Variants in ROBO2 observed in about 807,000 individuals in gnomAD.
The protein encoded by ROBO2 is roundabout guidance receptor 2.
A neutral mutation model predicts 160.8 loss-of-function variants in ROBO2; 53 were observed. That is an observed-to-expected ratio of 0.33 (90% CI 0.26 to 0.41). The LOEUF (loss-of-function observed/expected upper bound fraction) is 0.41, where lower values mean the gene tolerates loss of function less well. Ranked by LOEUF, ROBO2 falls within the 10% of genes least tolerant of loss-of-function variation. ROBO2 has a pLI of 1.00. For missense variants in ROBO2, 1,577 were observed against 1,722.4 expected (o/e 0.92, Z 1.49); for synonymous variants, 664 against 611.7 (o/e 1.09, Z -1.26).
chr3:77,343,019 TTC>T (rs2067229469), intron 2 of ROBO2, among the ~76,000 whole-genome samples: 1 of 151,454 alleles, frequency 6.6e-6, no homozygotes, highest in Non-Finnish European at 1.5e-5. Flanking sequence ...ATAGCTCCTT[TTC>T]TCTCTGTCTT....
intron 2 of ROBO2, among the ~76,000 whole-genome samples, chr3:76,845,899 A>T (rs1252852560): frequency 6.6e-6 from 1 of 152,086 alleles, no homozygotes; most frequent in African/African-American, 2.4e-5. Flanking sequence ...AAAATTAATG[A>T]TCATGTTCCC....
Position 77,110,696 on chromosome 3 carries a change from T to C in ROBO2, c.388+12356T>C, listed in dbSNP as rs58301071. Among the ~76,000 whole-genome samples, 587 of 147,672 alleles carry C rather than the reference T, an allele frequency of 4.0e-3. 7 individuals carry two copies. Among genetic ancestry groups the C allele is most frequent in the Middle Eastern group, 0.014 (4 of 276 alleles). ...ATATATGTATATACATATATATATA[T>C]AGAGAGAGAGAGAGAGAGGCAAGTT... On this transcript the variant is annotated intron_variant, in intron 2 of 25. Transcript: ENST00000461745.
At chr3:76,514,301 T>G (rs1429965979) in intron 2 of ROBO2, among the ~76,000 whole-genome samples, 1 of 152,088 alleles carries the variant, frequency 6.6e-6, no homozygotes, top group Non-Finnish European at 1.5e-5. Context: ...AGTCAGTCAC[T>G]CTCCCCTAGG....
intron 2 of ROBO2, among the ~76,000 whole-genome samples, chr3:76,256,352 T>TCA (rs1553689349): frequency 1.4e-4 from 10 of 69,898 alleles, no homozygotes; most frequent in Admixed American, 1.6e-4. Context: ...TCTCTCTCTC[T>TCA]CACATACACA....
chr3:76,175,345 A>G (rs924930762), intron 2 of ROBO2, among the ~76,000 whole-genome samples: 1 of 151,980 alleles, frequency 6.6e-6, no homozygotes, highest in African/African-American at 2.4e-5. Context: ...CTCTCTTTCT[A>G]TTTGAATACC....
chr3:76,223,327 G>A (rs767332622), intron 2 of ROBO2, among the ~76,000 whole-genome samples: 11 of 151,788 alleles, frequency 7.2e-5, no homozygotes, highest in South Asian at 4.2e-4. Flanking sequence ...GGGGCAATGC[G>A]GGGTTAACCC....
intron 2 of ROBO2, among the ~76,000 whole-genome samples, chr3:76,510,751 T>C (rs754609703): frequency 1.3e-5 from 2 of 151,834 alleles, no homozygotes; most frequent in African/African-American, 2.4e-5. Flanking sequence ...ATAAATGAAA[T>C]ACAGGAAGAA....
chr3:76,542,148 C>T (rs998727364), intron 2 of ROBO2, among the ~76,000 whole-genome samples: 1 of 152,020 alleles, frequency 6.6e-6, no homozygotes, highest in Non-Finnish European at 1.5e-5. Context: ...TCTTTTTGAT[C>T]TACAATCACA....
At chr3:76,808,309 A>G (rs2064896290) in intron 2 of ROBO2, among the ~76,000 whole-genome samples, 1 of 152,156 alleles carries the variant, frequency 6.6e-6, no homozygotes, top group African/African-American at 2.4e-5. Context: ...ATAAGTTAAC[A>G]TATGAGATTG....
intron 2 of ROBO2, among the ~76,000 whole-genome samples, chr3:76,091,659 A>G (rs1435609851): frequency 6.6e-6 from 1 of 152,242 alleles, no homozygotes; most frequent in Admixed American, 6.5e-5. Context: ...ATAATTGCCA[A>G]AATTTGGAAG....
At chr3:76,184,981 T>A (rs1165740506) in intron 2 of ROBO2, among the ~76,000 whole-genome samples, 1 of 151,722 alleles carries the variant, frequency 6.6e-6, no homozygotes, top group Non-Finnish European at 1.5e-5. Context: ...TCCACTCAGA[T>A]TCATATGCTA....
intron 2 of ROBO2, among the ~76,000 whole-genome samples, chr3:76,024,453 T>C (rs933261154): frequency 2.0e-5 from 3 of 151,562 alleles, no homozygotes; most frequent in Admixed American, 1.3e-4. Context: ...CATTTGCAAG[T>C]AGTTAGTTTC....
intron 2 of ROBO2, among the ~76,000 whole-genome samples, chr3:76,121,711 T>C (rs1427797081): frequency 1.3e-5 from 2 of 152,156 alleles, no homozygotes; most frequent in Admixed American, 6.5e-5. Flanking sequence ...TGAATAGTTA[T>C]TCTTTTTATC....
At chr3:76,785,059 G>T (rs2062885010) in intron 2 of ROBO2, among the ~76,000 whole-genome samples, 1 of 151,130 alleles carries the variant, frequency 6.6e-6, no homozygotes, top group African/African-American at 2.4e-5. Flanking sequence ...ACGGGGAAAT[G>T]AGAGCCAGAA....
intron 2 of ROBO2, among the ~76,000 whole-genome samples, chr3:76,377,727 C>A (rs1431746034): frequency 6.6e-6 from 1 of 152,112 alleles, no homozygotes; most frequent in East Asian, 1.9e-4. Flanking sequence ...ACTAAAAATA[C>A]CTAGCAAACT....
chr3:77,319,454 C>T (rs1417806632), intron 2 of ROBO2, among the ~76,000 whole-genome samples: 2 of 152,156 alleles, frequency 1.3e-5, no homozygotes, highest in African/African-American at 4.8e-5. Context: ...AACCCAATTG[C>T]TCATGCTGAT....
At chr3:76,574,720 A>AC (rs2085177259) in intron 2 of ROBO2, among the ~76,000 whole-genome samples, 2 of 152,052 alleles carry the variant, frequency 1.3e-5, no homozygotes, top group Non-Finnish European at 1.5e-5. Context: ...TGTGAAATAG[A>AC]ACCGGGCTTC....
intron 2 of ROBO2, among the ~76,000 whole-genome samples, chr3:76,884,330 C>T (rs1005862366): frequency 6.6e-6 from 1 of 152,086 alleles, no homozygotes; most frequent in African/African-American, 2.4e-5. Context: ...TCTGTCCAAA[C>T]CTTTATTAAA....
chr3:77,607,734 C>G, intron 20 of ROBO2, 64 bp from the exon 22 acceptor site: 1 of 1,414,824 alleles, frequency 7.1e-7, no homozygotes, highest in Non-Finnish European at 1.0e-6. Flanking sequence ...TACACCTTGC[C>G]ATCTGATGTA....
Sources: gnomAD v4.1 joint callset for allele counts (sites outside exome capture counted in the v4.1 genomes callset) on GRCh38, gnomAD v4.1.1 for gene constraint, MANE v1.5 for transcripts, NCBI Gene and HGNC (gene_info 2026-07-23, HGNC 2026-07-21) for gene names.